Variants in ASB4 observed in about 807,000 individuals in gnomAD.
ASB4 encodes ankyrin repeat and SOCS box protein 4.
ASB4 carries 35 observed loss-of-function variants against 38.6 expected under a neutral mutation model. The observed-to-expected ratio is 0.91, with a 90% CI of 0.69 to 1.20. The LOEUF (loss-of-function observed/expected upper bound fraction) is 1.20, where lower values mean the gene tolerates loss of function less well. Ranked by LOEUF, ASB4 falls within the 50% of genes most tolerant of loss-of-function variation. ASB4 has a pLI of 0.00. For missense variants in ASB4, 557 were observed against 527.2 expected, an observed-to-expected ratio of 1.06 and a Z score of -0.55; for synonymous variants, 195 against 201.3, an observed-to-expected ratio of 0.97 and a Z score of 0.26.
In ASB4 at chr7:95,531,195, C is replaced by T. The variant is rs1335915514; in HGVS notation, c.978+2892C>T. Reference sequence around the variant, plus strand: ...TTCAGTCACAGCAGAGTCTCTTTCCCAGTTCCTCCCTTCAGTCCTATCCTA... The same window carrying T: ...TTCAGTCACAGCAGAGTCTCTTTCCTAGTTCCTCCCTTCAGTCCTATCCTA... On this transcript the variant is annotated intron_variant, in intron 3 of 4. Coordinates refer to ENST00000325885, the MANE Select transcript of ASB4 (RefSeq NM_016116.3). 2.6e-5 allele frequency among the ~76,000 whole-genome samples: 4 copies of T among 152,162 alleles called. No homozygotes were observed. The East Asian group carries it at 7.7e-4, about 29-fold the overall frequency.
At chr7:95,474,199 G>A (rs970144933), upstream of ASB4, among the ~76,000 whole-genome samples, 1 of 152,180 alleles carries the variant, frequency 6.6e-6, no homozygotes, top group Non-Finnish European at 1.5e-5. Context: ...CTGAACTTTA[G>A]TCTTTTCCTT....
chr7:95,475,043 G>GA (rs764859532), upstream of ASB4, among the ~76,000 whole-genome samples: 2 of 152,142 alleles, frequency 1.3e-5, no homozygotes, highest in Non-Finnish European at 2.9e-5. Context: ...AGAGCCTATA[G>GA]ACAAGCTGTT....
chr7:95,538,830 G>A lies in ASB4; in HGVS notation c.*1071G>A, dbSNP rs1790932152. On this transcript the variant is annotated 3_prime_UTR_variant, in exon 5 of 5. Transcript: ENST00000325885. ...TGAGGGGACCTAGTTGATTACTTCG[G>A]TCTTTTTATGTAGCAGACTGACATT... is the stretch of plus-strand genomic sequence containing the variant. The A allele has an allele frequency of 6.6e-6, 1 of 152,152 alleles. No individual in the cohort carries two copies. The highest frequency in any genetic ancestry group is 2.1e-4 in the South Asian group (1 of 4,828). 9.4% of individuals were successfully genotyped at this position (152,152 alleles called of 1,614,324 possible).
intron 1 of ASB4, among the ~76,000 whole-genome samples, chr7:95,495,095 TA>T (rs1290474669): frequency 1.3e-5 from 2 of 152,268 alleles, no homozygotes; most frequent in African/African-American, 4.8e-5. Context: ...TTTATTTTCC[TA>T]CTTTTTTATT....
At chr7:95,515,334 T>C (rs1275020130) in intron 2 of ASB4, among the ~76,000 whole-genome samples, 3 of 138,996 alleles carry the variant, frequency 2.2e-5, no homozygotes, top group African/African-American at 8.0e-5. Flanking sequence ...CCTTCCTTCC[T>C]TTCTTTCTTT....
chr7:95,522,625 T>C lies in ASB4; in HGVS notation c.488-5188T>C, dbSNP rs112112199. Among the ~76,000 whole-genome samples, 802 of 152,260 alleles carry C rather than the reference T, an allele frequency of 5.3e-3. 3 individuals carry two copies. Among genetic ancestry groups the C allele is most frequent in the African/African-American group, 0.017 (704 of 41,554 alleles). Reference sequence around the variant, plus strand: ...GTGTCTGGAAGGGTTGGGAAGCACTTATCTGTGTTGGTCCTCCCGTTTAGT... The same window carrying C: ...GTGTCTGGAAGGGTTGGGAAGCACTCATCTGTGTTGGTCCTCCCGTTTAGT... On this transcript the variant is annotated intron_variant, in intron 2 of 4. Coordinates refer to ENST00000325885, the MANE Select transcript of ASB4 (RefSeq NM_016116.3).
intron 2 of ASB4, among the ~76,000 whole-genome samples, chr7:95,527,453 A>G (rs1359789193): frequency 6.6e-6 from 1 of 152,260 alleles, no homozygotes; most frequent in Non-Finnish European, 1.5e-5. Context: ...TAATGATATT[A>G]GCAAATATCA....
chr7:95,490,272 T>G (rs1378387213), intron 1 of ASB4, among the ~76,000 whole-genome samples: 1 of 152,252 alleles, frequency 6.6e-6, no homozygotes, highest in Non-Finnish European at 1.5e-5. Flanking sequence ...CTTTATCACC[T>G]AATTTTCCTC....
At chr7:95,534,752 A>C (rs1394433162) in intron 3 of ASB4, among the ~76,000 whole-genome samples, 2 of 152,174 alleles carry the variant, frequency 1.3e-5, no homozygotes, top group Non-Finnish European at 1.5e-5. Context: ...TTTCTCTTCA[A>C]CTAGGTTGTA....
In ASB4 at chr7:95,485,968, A is replaced by G. The variant is rs750679959; in HGVS notation, c.-4A>G. 14 of 1,612,616 alleles carry G rather than the reference A, an allele frequency of 8.7e-6. No homozygotes were observed. ...ACAACAAAGCTTCCAGAGGGAGAGG[A>G]AGGATGGACGGCACCACTGCCCCTG... On this transcript the variant is annotated 5_prime_UTR_variant, in exon 1 of 5. Transcript: ENST00000325885.
At position 95,537,806 on chromosome 7, in the gene ASB4, G is replaced by T. The variant is rs773741911; in HGVS notation, c.*47G>T. 6 of 1,535,442 alleles carry T rather than the reference G, an allele frequency of 3.9e-6. No individual in the cohort carries two copies. The South Asian group carries it at 6.0e-5, about 15-fold the overall frequency. Reference sequence around the variant, plus strand: ...CAATCCTAGGTATTTAAGTGGACTTGCTGGGTAGACACAGTTTGCCTAAAT... The same window carrying T: ...CAATCCTAGGTATTTAAGTGGACTTTCTGGGTAGACACAGTTTGCCTAAAT... On this transcript the variant is annotated 3_prime_UTR_variant, in exon 5 of 5. Transcript: ENST00000325885.
At chr7:95,515,222 TTTC>T in intron 2 of ASB4, among the ~76,000 whole-genome samples, 1 of 122,872 alleles carries the variant, frequency 8.1e-6, no homozygotes, top group African/African-American at 3.5e-5. Context: ...TCTTTCTTTC[TTTC>T]TTTCTTTTTC....
At chr7:95,534,583 T>A (rs1285479634) in intron 3 of ASB4, among the ~76,000 whole-genome samples, 1 of 152,094 alleles carries the variant, frequency 6.6e-6, no homozygotes, top group Non-Finnish European at 1.5e-5. Flanking sequence ...GTTGGTGCAC[T>A]TCCCATTAGC....
chr7:95,508,308 G>T (rs1790437532), intron 2 of ASB4, among the ~76,000 whole-genome samples: 1 of 152,044 alleles, frequency 6.6e-6, no homozygotes, highest in African/African-American at 2.4e-5. Context: ...GTGGTGGGAA[G>T]GCTTTAAGGA....
intron 3 of ASB4, among the ~76,000 whole-genome samples, chr7:95,533,809 A>C (rs1790851669): frequency 6.6e-6 from 1 of 152,224 alleles, no homozygotes; most frequent in Non-Finnish European, 1.5e-5. Flanking sequence ...AAGTATATGA[A>C]GATTTAACAC....
At chr7:95,545,319 G>A in the ASB4 span, among the ~76,000 whole-genome samples, 1 of 152,158 alleles carries the variant, frequency 6.6e-6, no homozygotes, top group Non-Finnish European at 1.5e-5. Context: ...TAATCTCCTG[G>A]TTACAGTTTC....
chr7:95,515,316 T>TCTTTCTTTCTTTCTTTCTTC lies in ASB4; in HGVS notation c.488-12494_488-12493insTCTTTCTTTCTTTCTTCCTT, dbSNP rs1420581416. ...TTCTTTCTTTCTTTCTTTCTTTCTT[T>TCTTTCTTTCTTTCTTTCTTC]CTTCCTTCCTTCCTTCCTTTCTTTC... On this transcript the variant is annotated intron_variant, in intron 2 of 4. Coordinates refer to ENST00000325885, the MANE Select transcript of ASB4 (RefSeq NM_016116.3). Among the ~76,000 whole-genome samples, 116 of 95,806 alleles carry TCTTTCTTTCTTTCTTTCTTC rather than the reference T, an allele frequency of 1.2e-3. 2 individuals are homozygous for TCTTTCTTTCTTTCTTTCTTC. Among genetic ancestry groups the TCTTTCTTTCTTTCTTTCTTC allele is most frequent in the Non-Finnish European group, 1.8e-3 (85 of 48,556 alleles). The allele number at this position is 95,806 out of a possible 152,430, so 62.9% of individuals were successfully genotyped here.
intron 3 of ASB4, among the ~76,000 whole-genome samples, chr7:95,531,878 A>G (rs1790824034): frequency 6.6e-6 from 1 of 152,134 alleles, no homozygotes; most frequent in Admixed American, 6.5e-5. Flanking sequence ...TTTGTGTTCC[A>G]ACCAACTTTG....
At chr7:95,487,364 A>G (rs1790107184) in intron 1 of ASB4, among the ~76,000 whole-genome samples, 1 of 152,196 alleles carries the variant, frequency 6.6e-6, no homozygotes, top group Non-Finnish European at 1.5e-5. Context: ...GATTGCTTTC[A>G]TCTTATAATT....
Sources: gnomAD v4.1 joint callset for allele counts (sites outside exome capture counted in the v4.1 genomes callset) on GRCh38, gnomAD v4.1.1 for gene constraint, MANE v1.5 for transcripts, NCBI Gene and HGNC (gene_info 2026-07-23, HGNC 2026-07-21) for gene names.